Variants in ANK1 observed in about 807,000 individuals in gnomAD.
ANK1 encodes the protein ankyrin-1.
In ANK1, 51 loss-of-function variants were observed where a neutral mutation model predicts 210.4. That is an observed-to-expected ratio of 0.24 (90% CI 0.19 to 0.31). The LOEUF is 0.31. Among genes scored for constraint, ANK1 ranks in the 10% least tolerant of loss-of-function variants. The pLI is 1.00. For missense variants in ANK1, 2,051 were observed against 2,504.4 expected, an observed-to-expected ratio of 0.82 and a Z score of 3.86; for synonymous variants, 967 against 1,025.9, an observed-to-expected ratio of 0.94 and a Z score of 1.10.
intron 1 of ANK1, among the ~76,000 whole-genome samples, chr8:41,772,945 G>T (rs1213513810): frequency 6.6e-6 from 1 of 152,160 alleles, no homozygotes; most frequent in Non-Finnish European, 1.5e-5. Flanking sequence ...CCTGGGGAGT[G>T]TGTCAGCCAC....
intron 1 of ANK1, among the ~76,000 whole-genome samples, chr8:41,885,524 C>A (rs897400780): frequency 6.6e-6 from 1 of 152,226 alleles, no homozygotes; most frequent in African/African-American, 2.4e-5. Flanking sequence ...TGTCGGCGGA[C>A]AGGCCCTGGG....
chr8:41,800,845 G>T (rs1308371708), upstream of ANK1, among the ~76,000 whole-genome samples: 1 of 152,086 alleles, frequency 6.6e-6, no homozygotes. Flanking sequence ...CTCCCGAGTA[G>T]CTGGGACTAC....
intron 9 of ANK1, among the ~76,000 whole-genome samples, chr8:41,722,087 C>T (rs1242339703): frequency 6.6e-6 from 1 of 152,226 alleles, no homozygotes; most frequent in Non-Finnish European, 1.5e-5. Flanking sequence ...CATTATCTCA[C>T]ATGGTCATCC....
chr8:41,668,453 A>C lies in ANK1; in HGVS notation c.5208T>G (p.Ser1736Arg). Residue 1736 changes from serine to arginine, a missense_variant, in exon 39 of 43, where the codon AGT (serine) becomes AGG (arginine). Coordinates refer to ENST00000289734, the MANE Select transcript of ANK1 (RefSeq NM_000037.4). ...TQGPHSFQGT[S>R]TMTEGLEPGG... ...CGGGCTCTAGCCCTTCAGTCATGGT[A>C]CTTGTTCCCTGGAATGAGTGTGGAC... 6.2e-7 allele frequency: 1 copy of C among 1,614,176 alleles called. No individual in the cohort carries two copies. Among genetic ancestry groups the C allele is most frequent in the Non-Finnish European group, 8.5e-7 (1 of 1,180,034 alleles).
chr8:41,838,586 T>C (rs7815668), intron 1 of ANK1, among the ~76,000 whole-genome samples: 66,553 of 150,270 alleles, frequency 0.44, 15,295 homozygotes, highest in East Asian at 0.81. Context: ...GCCAACATGG[T>C]GAAACCCCGT....
upstream of ANK1, among the ~76,000 whole-genome samples, chr8:41,802,192 G>A (rs941113774): frequency 7.2e-5 from 11 of 152,114 alleles, no homozygotes; most frequent in South Asian, 4.1e-4. Context: ...GTGTCACCAC[G>A]TTGGTCAGGC....
chr8:41,671,582 G>A (rs1812304839), intron 38 of ANK1, among the ~76,000 whole-genome samples: 1 of 151,636 alleles, frequency 6.6e-6, no homozygotes, highest in Non-Finnish European at 1.5e-5. Flanking sequence ...GTCCCTAAGT[G>A]AGCTCTCCCG....
intron 40 of ANK1, among the ~76,000 whole-genome samples, chr8:41,662,702 C>A (rs967922853): frequency 1.3e-5 from 2 of 152,160 alleles, no homozygotes; most frequent in Non-Finnish European, 1.5e-5. Flanking sequence ...ACTGTCCCTG[C>A]CTGCAAGCAG....
At chr8:41,656,091 C>T (rs905982288) in intron 42 of ANK1, among the ~76,000 whole-genome samples, 1 of 152,254 alleles carries the variant, frequency 6.6e-6, no homozygotes, top group African/African-American at 2.4e-5. Flanking sequence ...GCAGAGGCCC[C>T]CGTGCCTACG....
chr8:41,722,213 G>C (rs1829450724), intron 9 of ANK1, among the ~76,000 whole-genome samples: 1 of 152,196 alleles, frequency 6.6e-6, no homozygotes, highest in Non-Finnish European at 1.5e-5. Flanking sequence ...AGGGCTAAAT[G>C]AGAAACTGCT....
chr8:41,701,920 C>A, intron 21 of ANK1, 132 bp downstream of exon 21: 1 of 945,446 alleles, frequency 1.1e-6, no homozygotes, highest in East Asian at 2.5e-5. Context: ...CAAGCTCCCA[C>A]CCGTCGGGCG....
intron 33 of ANK1, among the ~76,000 whole-genome samples, chr8:41,689,208 C>T (rs926364983): frequency 4.6e-5 from 7 of 152,104 alleles, no homozygotes; most frequent in Admixed American, 1.3e-4. Context: ...ACTGCAGCCT[C>T]AAACTCCCGG....
At chr8:41,757,053 G>A (rs963244557) in intron 2 of ANK1, among the ~76,000 whole-genome samples, 1 of 152,196 alleles carries the variant, frequency 6.6e-6, no homozygotes, top group Non-Finnish European at 1.5e-5. Context: ...GAAATGGGGC[G>A]TTAGTGTTTA....
intron 37 of ANK1, among the ~76,000 whole-genome samples, chr8:41,674,792 G>C (rs1435655608): frequency 6.6e-6 from 1 of 152,206 alleles, no homozygotes; most frequent in African/African-American, 2.4e-5. Context: ...GAGAAGGGCT[G>C]CACAGCGGCA....
At chr8:41,663,813 G>C (rs868139496) in intron 39 of ANK1, 71 bp from the exon 40 acceptor site, 1 of 1,249,340 alleles carries the variant, frequency 8.0e-7, no homozygotes, top group African/African-American at 1.5e-5. Context: ...GGAGGACGAG[G>C]AAATGAAACA....
chr8:41,739,763 C>A (rs949258471), intron 2 of ANK1, among the ~76,000 whole-genome samples: 1 of 151,994 alleles, frequency 6.6e-6, no homozygotes, highest in Non-Finnish European at 1.5e-5. Context: ...AGGTAGACTG[C>A]GGTTATCTTG....
At chr8:41,675,776 A>G (rs1037551433) in intron 37 of ANK1, among the ~76,000 whole-genome samples, 2 of 152,042 alleles carry the variant, frequency 1.3e-5, no homozygotes, top group African/African-American at 2.4e-5. Flanking sequence ...GCCAACCCCA[A>G]ACCATTCCCA....
intron 1 of ANK1, among the ~76,000 whole-genome samples, chr8:41,869,895 C>T (rs1464338489): frequency 6.6e-6 from 1 of 152,154 alleles, no homozygotes; most frequent in Non-Finnish European, 1.5e-5. Flanking sequence ...TAATGTTGGA[C>T]TCTGAGTGCA....
At chr8:41,844,435 C>A (rs1163109096) in intron 1 of ANK1, among the ~76,000 whole-genome samples, 1 of 152,182 alleles carries the variant, frequency 6.6e-6, no homozygotes, top group Non-Finnish European at 1.5e-5. Flanking sequence ...CCCCAACCTC[C>A]ATCGCCTGAG....
Sources: allele counts gnomAD v4.1 joint callset (sites outside exome capture counted in the v4.1 genomes callset), GRCh38; gene constraint gnomAD v4.1.1; transcripts MANE v1.5; gene names NCBI Gene and HGNC (gene_info 2026-07-23, HGNC 2026-07-21).